Variants in WIPF3 observed in about 807,000 individuals in gnomAD.
WIPF3 encodes WAS/WASL interacting protein family member 3, also known as WAS/WASL-interacting protein family member 3.
WIPF3 carries 33 observed loss-of-function variants against 38.9 expected under a neutral mutation model. The observed-to-expected ratio is 0.85, with a 90% CI of 0.64 to 1.14. WIPF3 has a LOEUF of 1.14. Ranked by LOEUF, WIPF3 falls within the 50% of genes most tolerant of loss-of-function variation. The pLI is 0.00. For synonymous variants in WIPF3, 324 were observed against 269.3 expected (o/e 1.20, Z -1.99); for missense variants, 711 against 652.5 (o/e 1.09, Z -0.98).
At chr7:29,826,150 A>T (rs1048658263) in intron 1 of WIPF3, among the ~76,000 whole-genome samples, 1 of 152,156 alleles carries the variant, frequency 6.6e-6, no homozygotes, top group Non-Finnish European at 1.5e-5. Context: ...ATCATCCTAG[A>T]TGTTCCAGAG....
intron 2 of WIPF3, among the ~76,000 whole-genome samples, chr7:29,870,121 G>A (rs1247751485): frequency 1.3e-5 from 2 of 152,156 alleles, no homozygotes; most frequent in Non-Finnish European, 2.9e-5. Flanking sequence ...AGACAGCCAA[G>A]AGGCAAGTGT....
At chr7:29,822,053 G>C (rs1354191502) in intron 1 of WIPF3, among the ~76,000 whole-genome samples, 1 of 145,498 alleles carries the variant, frequency 6.9e-6, no homozygotes, top group Non-Finnish European at 1.5e-5. Flanking sequence ...CTTTACAGCA[G>C]TATTTTTTCT....
Position 29,878,836 on chromosome 7 carries a change from C to T in WIPF3, c.224-173C>T, listed in dbSNP as rs1785658801. Among the ~76,000 whole-genome samples the T allele has an allele frequency of 6.6e-6, 1 of 152,094 alleles. No individual in the cohort carries two copies. Among genetic ancestry groups the T allele is most frequent in the South Asian group, 2.1e-4 (1 of 4,812 alleles). On this transcript the variant is annotated intron_variant, in intron 3 of 8. Coordinates refer to ENST00000242140, the MANE Select transcript of WIPF3 (RefSeq NM_001080529.3). This position sits in a 1 kb window ranked among gnomAD's most constrained non-coding sequence, Gnocchi z 4.0. ...CAGGGCATGTGAGTCTACAGGGTATCAAGGCAGAGGGTGCTTGGGGAGGAT... is the reference window on the plus strand; with the variant it reads ...CAGGGCATGTGAGTCTACAGGGTATTAAGGCAGAGGGTGCTTGGGGAGGAT...
chr7:29,854,651 T>C (rs562622091), intron 2 of WIPF3, among the ~76,000 whole-genome samples: 2 of 152,278 alleles, frequency 1.3e-5, no homozygotes, highest in South Asian at 2.1e-4. Flanking sequence ...CTTTGATAAA[T>C]GTCAGAGGCA....
intron 8 of WIPF3, chr7:29,905,894 A>G (rs1343284678): frequency 1.3e-5 from 2 of 152,132 alleles, no homozygotes; most frequent in African/African-American, 2.4e-5. Context: ...TACTACATAT[A>G]TGATGAAAAT....
At chr7:29,896,943 T>C (rs920827420) in intron 7 of WIPF3, among the ~76,000 whole-genome samples, 4 of 152,178 alleles carry the variant, frequency 2.6e-5, no homozygotes, top group Non-Finnish European at 1.5e-5. Flanking sequence ...AAAATTCACA[T>C]TTCAAACATA....
intron 2 of WIPF3, among the ~76,000 whole-genome samples, chr7:29,863,943 G>C (rs1785344083): frequency 6.6e-6 from 1 of 152,110 alleles, no homozygotes; most frequent in Non-Finnish European, 1.5e-5. Context: ...AGTTCTATGA[G>C]TTTTCTACAT....
At chr7:29,836,955 C>T (rs947898040) in intron 2 of WIPF3, among the ~76,000 whole-genome samples, 4 of 152,208 alleles carry the variant, frequency 2.6e-5, no homozygotes, top group Middle Eastern at 3.4e-3. Context: ...CGCACCACTG[C>T]ACTCCAGCCT....
intron 2 of WIPF3, among the ~76,000 whole-genome samples, chr7:29,851,636 A>T (rs1001946131): frequency 6.6e-6 from 1 of 152,304 alleles, no homozygotes; most frequent in East Asian, 1.9e-4. Context: ...GGCTCGGTGG[A>T]CTTTATGACG....
chr7:29,874,043 A>T (rs1178641211), intron 2 of WIPF3, among the ~76,000 whole-genome samples: 5 of 151,998 alleles, frequency 3.3e-5, no homozygotes, highest in African/African-American at 1.2e-4. Context: ...AGCCTGAAAA[A>T]CATGGTCATT....
At chr7:29,824,549 T>TA (rs1357998867) in intron 1 of WIPF3, among the ~76,000 whole-genome samples, 47 of 148,534 alleles carry the variant, frequency 3.2e-4, no homozygotes, top group African/African-American at 9.6e-4. Flanking sequence ...AGATGTATTT[T>TA]TAAAAAAAAA....
At chr7:29,809,118 G>A (rs1425016470) in intron 1 of WIPF3, among the ~76,000 whole-genome samples, 1 of 152,152 alleles carries the variant, frequency 6.6e-6, no homozygotes, top group African/African-American at 2.4e-5. Context: ...AAACATTAGG[G>A]TACAGTAGCC....
chr7:29,834,289 T>C (rs143180722), intron 1 of WIPF3, among the ~76,000 whole-genome samples: 19 of 152,234 alleles, frequency 1.2e-4, no homozygotes, highest in East Asian at 9.6e-4. Context: ...TGCAGAATGA[T>C]TGAAAATGAT....
chr7:29,831,263 A>G (rs961215306), intron 1 of WIPF3, among the ~76,000 whole-genome samples: 7 of 152,236 alleles, frequency 4.6e-5, no homozygotes, highest in African/African-American at 1.7e-4. Flanking sequence ...GTGTTTGATA[A>G]GATTTGTTCA....
intron 2 of WIPF3, among the ~76,000 whole-genome samples, chr7:29,840,257 C>T (rs1203138209): frequency 6.6e-6 from 1 of 152,190 alleles, no homozygotes; most frequent in Non-Finnish European, 1.5e-5. Flanking sequence ...CATGGTCTGG[C>T]CCCTGCCTGT....
intron 8 of WIPF3, among the ~76,000 whole-genome samples, chr7:29,913,134 G>T (rs143993140): frequency 0.011 from 1,624 of 152,288 alleles, 33 homozygotes; most frequent in East Asian, 0.057. Flanking sequence ...ATCACCTGAG[G>T]TTGGGAGTTC....
chr7:29,862,272 A>G (rs1446378562), intron 2 of WIPF3, among the ~76,000 whole-genome samples: 2 of 152,206 alleles, frequency 1.3e-5, no homozygotes, highest in East Asian at 3.9e-4. Context: ...CTTGAGTTCA[A>G]GATGAGGCTG....
Position 29,889,363 on chromosome 7 carries a change from A to AAT in WIPF3, c.1311_1312dup (p.Lys438IlefsTer43), listed in dbSNP as rs1207329679. 6.2e-7 allele frequency: 1 copy of AAT among 1,613,990 alleles called. No individual in the cohort carries two copies. The highest frequency in any genetic ancestry group is 8.5e-7 in the Non-Finnish European group (1 of 1,179,890). On this transcript the variant is annotated frameshift_variant, in exon 7 of 9. Coordinates refer to ENST00000242140, the MANE Select transcript of WIPF3 (RefSeq NM_001080529.3). LOFTEE classifies it high-confidence loss of function. ...GTGGAAGACTTTCCCCCTCCGGATG[A>AAT]ATATAAACCATGCCAGAAGATTTAC...
intron 7 of WIPF3, among the ~76,000 whole-genome samples, chr7:29,900,436 G>A (rs1786251439): frequency 6.6e-6 from 1 of 152,162 alleles, no homozygotes; most frequent in Non-Finnish European, 1.5e-5. Flanking sequence ...TGGACAGGAA[G>A]TGAGGTCCGC....
Sources: allele counts gnomAD v4.1 joint callset (sites outside exome capture counted in the v4.1 genomes callset), GRCh38; gene constraint gnomAD v4.1.1; non-coding constraint Gnocchi (gnomAD v3.1); transcripts MANE v1.5; gene names NCBI Gene and HGNC (gene_info 2026-07-23, HGNC 2026-07-21).